The following LRP8 variants were observed in gnomAD, a reference collection of about 807,000 sequenced individuals.
The protein encoded by LRP8 is low-density lipoprotein receptor-related protein 8.
In LRP8, 46 loss-of-function variants were observed where a neutral mutation model predicts 111.6. The ratio of observed to expected loss-of-function variants is 0.41; its 90% confidence interval spans 0.33 to 0.53. LRP8 has a LOEUF of 0.53. Among genes scored for constraint, LRP8 ranks in the 20% least tolerant of loss-of-function variants. The pLI, the probability that LRP8 is intolerant of heterozygous loss-of-function variation, is 0.20. For synonymous variants in LRP8, 464 were observed against 511.2 expected (o/e 0.91, Z 1.24); for missense variants, 959 against 1,297.4 (o/e 0.74, Z 4.01).
At chr1:53,277,929 A>G (rs987628332) in intron 4 of LRP8, among the ~76,000 whole-genome samples, 7 of 152,244 alleles carry the variant, frequency 4.6e-5, no homozygotes, top group Middle Eastern at 3.4e-3. Context: ...TGTGGAGTGG[A>G]TGGAACTGGT....
Position 53,326,727 on chromosome 1 carries a change from C to T in LRP8, c.244+146G>A, listed in dbSNP as rs917738248. The T allele has an allele frequency of 1.8e-4, 236 of 1,338,992 alleles. 1 individual carries two copies. The highest frequency in any genetic ancestry group is 7.8e-4 in the Middle Eastern group (4 of 5,158). 82.9% of individuals were successfully genotyped at this position (1,338,992 alleles called of 1,614,324 possible). A position where few individuals can be genotyped will look rare whatever the true frequency, so the allele number is the denominator to read the frequency against. ...CCACCCGGCCCCGAGGGAGGCGGTGCCCAGGCGGTTTCCCGGTCGCAGGCT... is the reference window on the plus strand; with the variant it reads ...CCACCCGGCCCCGAGGGAGGCGGTGTCCAGGCGGTTTCCCGGTCGCAGGCT... On this transcript the variant is annotated intron_variant, in intron 2 of 18. Coordinates refer to ENST00000306052, the MANE Select transcript of LRP8 (RefSeq NM_004631.5).
chr1:53,319,502 C>T (rs1007950749), intron 2 of LRP8, among the ~76,000 whole-genome samples: 4 of 152,304 alleles, frequency 2.6e-5, no homozygotes, highest in East Asian at 3.9e-4. Context: ...CACTCCATGG[C>T]GCCTGAGAGC....
In LRP8 at chr1:53,257,445, A is replaced by G. The variant is rs750638716; in HGVS notation, c.2229T>C (p.Thr743=). 8.7e-6 allele frequency: 14 copies of G among 1,614,152 alleles called. No individual in the cohort carries two copies. The South Asian group carries it at 1.3e-4, about 15-fold the overall frequency. Residue 743 remains threonine (T), a synonymous_variant, in exon 15 of 19, where the codon ACT becomes ACC. Transcript: ENST00000306052. ...RCYRAPQSTS[T]TTLASTMTRT... is the part of the protein sequence containing the mutation. The stretch of plus-strand genomic sequence containing the variant: ...TCGTCATGGTAGAAGCTAACGTCGT[A>G]GTTGAGGTAGATTGAGGTGCTGGAG...
At chr1:53,318,496 T>C (rs1053826383) in intron 2 of LRP8, among the ~76,000 whole-genome samples, 6 of 152,058 alleles carry the variant, frequency 3.9e-5, no homozygotes, top group African/African-American at 1.4e-4. Context: ...ACGGCAATGA[T>C]GAAAATGCAC....
rs764971327 is a variant in LRP8 at position 53,271,065 on chromosome 1, G to T, written c.1215C>A (p.Tyr405Ter). Residue 405 changes from tyrosine (Y) to a stop codon, truncating the protein, a stop_gained, in exon 8 of 19, where the codon TAC becomes TAA. Transcript: ENST00000306052. LOFTEE classifies it high-confidence loss of function. ...GYFKCECYPG[Y>*]EMDLLTKNCK... is the part of the protein sequence containing the mutation. The stretch of plus-strand genomic sequence containing the variant: ...AGTTCTTGGTCAGTAGGTCCATCTC[G>T]TAGCCAGGGTAGCACTCACACTTAA... 1 of 1,614,028 alleles carries T rather than the reference G, an allele frequency of 6.2e-7. No homozygotes were observed. The highest frequency in any genetic ancestry group is 8.5e-7 in the Non-Finnish European group (1 of 1,180,018).
At position 53,244,748 on chromosome 1, in the gene LRP8, T is replaced by C. The variant is rs1645694408; in HGVS notation, c.*2270A>G. Reference sequence around the variant, plus strand: ...AGAAACTATGCCTTAGCCACTGTTATCATTTAATTCCTTGGAAAATTCAGT... The same window carrying C: ...AGAAACTATGCCTTAGCCACTGTTACCATTTAATTCCTTGGAAAATTCAGT... On this transcript the variant is annotated 3_prime_UTR_variant, in exon 19 of 19. Coordinates refer to ENST00000306052, the MANE Select transcript of LRP8 (RefSeq NM_004631.5). The C allele has an allele frequency of 6.6e-6, 1 of 152,254 alleles. No homozygotes were observed. The highest frequency in any genetic ancestry group is 6.5e-5 in the Admixed American group (1 of 15,290). 9.4% of individuals were successfully genotyped at this position (152,254 alleles called of 1,614,324 possible).
Position 53,266,758 on chromosome 1 carries a change from A to C in LRP8, c.1253-111T>G. The C allele has an allele frequency of 1.1e-6, 1 of 923,878 alleles. No individual in the cohort carries two copies. Among genetic ancestry groups the C allele is most frequent in the Non-Finnish European group, 1.7e-6 (1 of 586,190 alleles). The allele number at this position is 923,878 out of a possible 1,614,324, so 57.2% of individuals were successfully genotyped here. On this transcript the variant is annotated intron_variant, in intron 8 of 18. Coordinates refer to ENST00000306052, the MANE Select transcript of LRP8 (RefSeq NM_004631.5). The surrounding 1 kb of genome is among the most constrained non-coding windows in gnomAD (Gnocchi z 5.0). ...CTGACACATCCATTTTCCTTAAAAT[A>C]GTAGTGACAATTCCTACTTTACAGG...
At chr1:53,258,028 G>A (rs1001237441) in intron 14 of LRP8, 54 of 259,454 alleles carry the variant, frequency 2.1e-4, no homozygotes, top group African/African-American at 1.1e-3. Context: ...CGGCGATTAA[G>A]GGTTCTTAAC....
rs1444843824 is a variant in LRP8, at chr1:53,258,483, G to A, written c.2057-12C>T. 6.2e-7 allele frequency: 1 copy of A among 1,613,260 alleles called. No individual in the cohort carries two copies. The highest frequency in any genetic ancestry group is 2.2e-5 in the East Asian group (1 of 44,852). Reference sequence around the variant, plus strand: ...ACAGGCATCTGGAGCTAATGGCAGAGAGGGAGACAGCTGGGGCACAGACAG... The same window carrying A: ...ACAGGCATCTGGAGCTAATGGCAGAAAGGGAGACAGCTGGGGCACAGACAG... On this transcript the variant is annotated splice_polypyrimidine_tract_variant and intron_variant, in intron 13 of 18. Coordinates refer to ENST00000306052, the MANE Select transcript of LRP8 (RefSeq NM_004631.5).
In LRP8 at chr1:53,262,037, G is replaced by A. The variant is rs752378806; in HGVS notation, c.1914+31C>T. The A allele has an allele frequency of 3.1e-6, 5 of 1,609,182 alleles. No individual in the cohort carries two copies. Among genetic ancestry groups the A allele is most frequent in the Middle Eastern group, 1.7e-4 (1 of 6,052 alleles). ...GCATTTTCTAGGCTTCAGCTTCCTA[G>A]TGGGCCCTTGCCTCTCCTTACAGGA... is the stretch of plus-strand genomic sequence containing the variant. On this transcript the variant is annotated intron_variant, in intron 12 of 18. Transcript: ENST00000306052. The surrounding 1 kb of genome is among the most constrained non-coding windows in gnomAD (Gnocchi z 4.8).
chr1:53,269,324 T>A (rs1646685160), intron 8 of LRP8, among the ~76,000 whole-genome samples: 1 of 148,920 alleles, frequency 6.7e-6, no homozygotes, highest in African/African-American at 2.5e-5. Flanking sequence ...ATTATTATTA[T>A]TTTTTTTTTT....
intron 6 of LRP8, among the ~76,000 whole-genome samples, chr1:53,274,524 C>A (rs913210988): frequency 6.6e-6 from 1 of 152,196 alleles, no homozygotes; most frequent in African/African-American, 2.4e-5. Flanking sequence ...AGATGTAGAC[C>A]AGAGGCCTGG....
intron 1 of LRP8, 126 bp from the exon 2 acceptor site, chr1:53,327,118 C>G: frequency 7.6e-7 from 1 of 1,323,252 alleles, no homozygotes; most frequent in Non-Finnish European, 1.0e-6. Flanking sequence ...ACCCCGGGGG[C>G]TTCAGGCACA....
chr1:53,319,838 C>G (rs1654271636), intron 2 of LRP8, among the ~76,000 whole-genome samples: 1 of 152,248 alleles, frequency 6.6e-6, no homozygotes, highest in Admixed American at 6.5e-5. Flanking sequence ...GGCACACCCA[C>G]TAGCAGGTGC....
intron 6 of LRP8, among the ~76,000 whole-genome samples, chr1:53,274,438 T>A (rs1049616645): frequency 1.3e-5 from 2 of 152,146 alleles, no homozygotes; most frequent in African/African-American, 4.8e-5. Context: ...GGGGAAGGAA[T>A]GAGGAAAGGC....
intron 2 of LRP8, among the ~76,000 whole-genome samples, chr1:53,316,168 G>T (rs1481335839): frequency 6.6e-6 from 1 of 152,206 alleles, no homozygotes; most frequent in African/African-American, 2.4e-5. Context: ...GGAGTCTGGG[G>T]TTCCATTCAA....
chr1:53,327,839 TGCAGCAGCAGCAGCAGCAGCA>T lies in LRP8; in HGVS notation c.53_73del (p.Leu18_Leu24del). On this transcript the variant is annotated inframe_deletion, in exon 1 of 19. Coordinates refer to ENST00000306052, the MANE Select transcript of LRP8 (RefSeq NM_004631.5). Reference sequence around the variant, plus strand: ...CGCTGCCGCCGCAAGATGCTGGAGCTGCAGCAGCAGCAGCAGCAGCAGCAGCAGCAGCAGCGCCAGAAGCCG... The same window carrying T: ...CGCTGCCGCCGCAAGATGCTGGAGCTGCAGCAGCAGCAGCGCCAGAAGCCG... 2.7e-6 allele frequency: 4 copies of T among 1,487,048 alleles called. No individual in the cohort carries two copies. Among genetic ancestry groups the T allele is most frequent in the South Asian group, 1.3e-5 (1 of 79,752 alleles). The allele number at this position is 1,487,048 out of a possible 1,614,324, so 92.1% of individuals were successfully genotyped here.
intron 2 of LRP8, among the ~76,000 whole-genome samples, chr1:53,308,119 A>T (rs1057215885): frequency 6.6e-6 from 1 of 152,214 alleles, no homozygotes; most frequent in Admixed American, 6.5e-5. Flanking sequence ...ATCAGACTGC[A>T]CTGCAGCGAG....
In LRP8 at chr1:53,317,823, G is replaced by A. The variant is rs1165753944; in HGVS notation, c.244+9050C>T. ...GCATCCGGCCCAATTGTGAGTGCAG[G>A]AAGAAGGCAGAAGGGAAAGTCACCC... On this transcript the variant is annotated intron_variant, in intron 2 of 18. Transcript: ENST00000306052. The surrounding 1 kb of genome is among the most constrained non-coding windows in gnomAD (Gnocchi z 4.9). Among the ~76,000 whole-genome samples the A allele has an allele frequency of 2.0e-5, 3 of 152,232 alleles. No homozygotes were observed.
Sources: gnomAD v4.1 joint callset for allele counts (sites outside exome capture counted in the v4.1 genomes callset) on GRCh38, gnomAD v4.1.1 for gene constraint, Gnocchi (gnomAD v3.1) non-coding constraint, MANE v1.5 for transcripts, NCBI Gene and HGNC (gene_info 2026-07-23, HGNC 2026-07-21) for gene names.